Variants in GNAS observed in about 807,000 individuals in gnomAD.
GNAS encodes the protein GNAS complex locus.
GNAS carries 8 observed loss-of-function variants against 54.5 expected under a neutral mutation model. The observed-to-expected ratio is 0.15, with a 90% CI of 0.09 to 0.26. GNAS has a LOEUF of 0.26. Among genes scored for constraint, GNAS ranks in the 10% least tolerant of loss-of-function variants. The probability of loss-of-function intolerance (pLI) is 1.00; values close to 1 mark genes in which losing one functional copy is unlikely to be tolerated. For missense variants in GNAS, 170 were observed against 529.8 expected (o/e 0.32, Z 6.67); for synonymous variants, 204 against 191.4 (o/e 1.07, Z -0.54).
At chr20:58,891,887 C>T in intron 1 of GNAS, 22 bp downstream of exon 1, 1 of 1,117,350 alleles carries the variant, frequency 8.9e-7, no homozygotes, top group Non-Finnish European at 1.1e-6. Context: ...CGGGGGGCGC[C>T]GGCCCCGGCC....
chr20:58,896,379 C>A (rs1887949067), intron 2 of GNAS, among the ~76,000 whole-genome samples: 1 of 152,094 alleles, frequency 6.6e-6, no homozygotes, highest in Admixed American at 6.5e-5. Flanking sequence ...CCCAGCCTCA[C>A]TGAGGGGCAT....
intron 1 of GNAS, among the ~76,000 whole-genome samples, chr20:58,849,620 T>A (rs1240090402): frequency 6.6e-6 from 1 of 152,142 alleles, no homozygotes; most frequent in Non-Finnish European, 1.5e-5. Context: ...TGCCAGCCCC[T>A]CCCACTGACT....
intron 3 of GNAS, among the ~76,000 whole-genome samples, chr20:58,899,680 T>TGCATACACAGACAC (rs2090424851): frequency 6.6e-6 from 1 of 151,322 alleles, no homozygotes; most frequent in Admixed American, 6.6e-5. Flanking sequence ...CACATGCACA[T>TGCATACACAGACAC]GCATACACAG....
intron 1 of GNAS, among the ~76,000 whole-genome samples, chr20:58,858,499 G>GT (rs1485509958): frequency 6.6e-6 from 1 of 152,110 alleles, no homozygotes; most frequent in Non-Finnish European, 1.5e-5. Context: ...CTGTTTCCAT[G>GT]TTTCTGTTAC....
chr20:58,894,522 AAG>A (rs959999617), intron 1 of GNAS, among the ~76,000 whole-genome samples: 3 of 152,224 alleles, frequency 2.0e-5, no homozygotes, highest in East Asian at 1.9e-4. Flanking sequence ...AAGAAAGAAA[AAG>A]GTAATAACAG....
chr20:58,900,763 GTGA>G (rs1233598595), intron 3 of GNAS, among the ~76,000 whole-genome samples: 5 of 152,290 alleles, frequency 3.3e-5, no homozygotes, highest in Non-Finnish European at 5.9e-5. Context: ...AATAGTAAAA[GTGA>G]TGATAAACCC....
chr20:58,877,237 T>C (rs1276411278), intron 1 of GNAS, among the ~76,000 whole-genome samples: 4 of 150,364 alleles, frequency 2.7e-5, no homozygotes, highest in Non-Finnish European at 4.4e-5. Context: ...AGGTACAGAG[T>C]GCAAAGCGGC....
At chr20:58,878,911 G>GT (rs1182008091) in intron 1 of GNAS, among the ~76,000 whole-genome samples, 2 of 137,850 alleles carry the variant, frequency 1.5e-5, no homozygotes, top group Non-Finnish European at 3.1e-5. Flanking sequence ...GGGGGTGCGG[G>GT]TGGGGGGGGG....
chr20:58,860,502 T>C (rs903329126), intron 1 of GNAS, among the ~76,000 whole-genome samples: 1 of 152,206 alleles, frequency 6.6e-6, no homozygotes, highest in African/African-American at 2.4e-5. Flanking sequence ...AATCCTGGTC[T>C]GGATCTCATG....
chr20:58,843,669 G>A (rs2085830535), intron 1 of GNAS, among the ~76,000 whole-genome samples: 1 of 152,210 alleles, frequency 6.6e-6, no homozygotes, highest in African/African-American at 2.4e-5. Flanking sequence ...AGGAGCAGGA[G>A]AATAAAGCTA....
intron 1 of GNAS, among the ~76,000 whole-genome samples, chr20:58,861,143 A>ATGAGAGTT (rs2086762848): frequency 6.6e-6 from 1 of 152,088 alleles, no homozygotes; most frequent in Admixed American, 6.5e-5. Flanking sequence ...CTCTCAGGAG[A>ATGAGAGTT]CACATCAGTA....
chr20:58,844,461 A>G (rs1003935348), intron 1 of GNAS, among the ~76,000 whole-genome samples: 3 of 152,144 alleles, frequency 2.0e-5, no homozygotes, highest in African/African-American at 7.2e-5. Flanking sequence ...TGATGTCCCA[A>G]ACTGGAGCAG....
At chr20:58,843,120 C>G (rs1170480918) in intron 1 of GNAS, among the ~76,000 whole-genome samples, 1 of 152,084 alleles carries the variant, frequency 6.6e-6, no homozygotes, top group Non-Finnish European at 1.5e-5. Context: ...CACAAACTGC[C>G]TCGCCATCTG....
chr20:58,891,999 G>T (rs2089432895), intron 1 of GNAS, 134 bp downstream of exon 1: 8 of 780,122 alleles, frequency 1.0e-5, no homozygotes, highest in Non-Finnish European at 1.1e-5. Context: ...GGCTCTGTCT[G>T]TGGGGGGCGA....
In GNAS at chr20:58,849,560, C is replaced by T. The variant is rs1027921815; in HGVS notation, c.43+8674C>T. 5.9e-5 allele frequency among the ~76,000 whole-genome samples: 9 copies of T among 152,310 alleles called. No homozygotes were observed. In the South Asian group the frequency reaches 6.2e-4, roughly 11 times the overall value. On this transcript the variant is annotated intron_variant, in intron 1 of 12. Transcript: ENST00000306090. ...CTGCAAAAATCTCCATCCCAACTGC[C>T]CAAAGTTCCTTAATCTGCCATGTCT...
intron 1 of GNAS, chr20:58,852,919 G>A: frequency 1.3e-6 from 1 of 761,848 alleles, no homozygotes; most frequent in Non-Finnish European, 1.7e-6. Flanking sequence ...GAATCGGCAC[G>A]CTCGTCAGAT....
At chr20:58,891,889 G>C (rs566053211) in intron 1 of GNAS, 24 bp downstream of exon 1, 1 of 1,112,208 alleles carries the variant, frequency 9.0e-7, no homozygotes, top group Non-Finnish European at 1.1e-6. Context: ...GGGGGCGCCG[G>C]CCCCGGCCCG....
intron 3 of GNAS, among the ~76,000 whole-genome samples, chr20:58,902,240 C>G (rs2090681229): frequency 6.6e-6 from 1 of 152,106 alleles, no homozygotes; most frequent in South Asian, 2.1e-4. Context: ...GCTGTGTGTG[C>G]TGGTTCCATT....
chr20:58,854,414 C>T lies in GNAS; in HGVS notation c.43+13528C>T, dbSNP rs750266560. 37 of 1,567,408 alleles carry T rather than the reference C, an allele frequency of 2.4e-5. No individual in the cohort carries two copies. Among genetic ancestry groups the T allele is most frequent in the African/African-American group, 2.7e-5 (2 of 73,456 alleles). On this transcript the variant is annotated intron_variant, in intron 1 of 12. Coordinates refer to the GNAS transcript ENST00000306090. ...CTCCGGGGTACGGATCCCCTGCCGCCGGGGCAGCCTCAGCGGATACCGCTG... is the reference window on the plus strand; with the variant it reads ...CTCCGGGGTACGGATCCCCTGCCGCTGGGGCAGCCTCAGCGGATACCGCTG...
Sources: gnomAD v4.1 joint callset for allele counts (sites outside exome capture counted in the v4.1 genomes callset) on GRCh38, gnomAD v4.1.1 for gene constraint, MANE v1.5 for transcripts, NCBI Gene and HGNC (gene_info 2026-07-23, HGNC 2026-07-21) for gene names.